RPUSD1: variants seen among roughly 807,000 people sequenced by gnomAD.
The protein encoded by RPUSD1 is pseudouridylate synthase RPUSD1.
Under a neutral mutation model 22.4 loss-of-function variants are expected in RPUSD1, and 28 were observed. That is an observed-to-expected ratio of 1.25 (90% CI 0.93 to 1.72). The LOEUF (loss-of-function observed/expected upper bound fraction) is 1.72, where lower values mean the gene tolerates loss of function less well. Ranked by LOEUF, RPUSD1 falls within the 40% of genes most tolerant of loss-of-function variation. The probability of loss-of-function intolerance (pLI) is 0.00; values close to 1 mark genes in which losing one functional copy is unlikely to be tolerated. For synonymous variants in RPUSD1, 298 were observed against 201.0 expected, an observed-to-expected ratio of 1.48 and a Z score of -4.08; for missense variants, 596 against 442.2, an observed-to-expected ratio of 1.35 and a Z score of -3.12.
rs937911855 is a variant in RPUSD1 at position 787,613 on chromosome 16, T to G, written c.125A>C (p.Lys42Thr). Reference sequence around the variant, plus strand: ...CTCGGGAAAGCGGTACCGCAGCTGCTTCTGCAGGGTCAGAGTCTCCCGCCA... The same window carrying G: ...CTCGGGAAAGCGGTACCGCAGCTGCGTCTGCAGGGTCAGAGTCTCCCGCCA... ...KAWRETLTLQ[K>T]QLRYRFPELA... The change falls in exon 2 of 6, where the codon AAG (lysine) becomes ACG (threonine). Residue 42 changes from lysine (K) to threonine (T), a missense_variant. By Grantham distance (78) the Lys-to-Thr change is moderately conservative (BLOSUM62 -1). Transcript: ENST00000007264. 1.2e-6 allele frequency: 2 copies of G among 1,611,812 alleles called. No individual in the cohort carries two copies. Among genetic ancestry groups the G allele is most frequent in the Non-Finnish European group, 1.7e-6 (2 of 1,179,940 alleles).
At chr16:787,839 G>C (rs2042007452) in intron 1 of RPUSD1, 95 bp from the exon 2 acceptor site, 3 of 1,356,382 alleles carry the variant, frequency 2.2e-6, no homozygotes, top group South Asian at 2.6e-5. Flanking sequence ...CCGGGCTCCG[G>C]TGCGAAGCCA....
chr16:786,975 C>T, intron 4 of RPUSD1, 47 bp from the exon 5 acceptor site: 2 of 1,564,652 alleles, frequency 1.3e-6, no homozygotes, highest in Non-Finnish European at 1.7e-6. Flanking sequence ...TGACCCGGGG[C>T]CCAGGCCCAC....
chr16:788,162 C>A, intron 1 of RPUSD1, 94 bp downstream of exon 1: 1 of 434,148 alleles, frequency 2.3e-6, no homozygotes, highest in Non-Finnish European at 4.5e-6. Flanking sequence ...TCGCTCCCCG[C>A]AGTCCGCGCA....
Position 785,568 on chromosome 16 carries a change from A to C in RPUSD1, c.*382T>G. The C allele has an allele frequency of 1.1e-5, 2 of 189,274 alleles. No individual in the cohort carries two copies. The highest frequency in any genetic ancestry group is 2.2e-5 in the Non-Finnish European group (2 of 92,866). 11.7% of individuals were successfully genotyped at this position (189,274 alleles called of 1,614,324 possible). ...GCAGCCCATCCTGGAGGCAAAGCCT[A>C]TCCCAAAACCTGGCCCTGCCTCTTC... On this transcript the variant is annotated 3_prime_UTR_variant, in exon 6 of 6. Coordinates refer to ENST00000007264, the MANE Select transcript of RPUSD1 (RefSeq NM_058192.3).
At position 787,557 on chromosome 16, in the gene RPUSD1, T is replaced by C. The variant is rs1334081496; in HGVS notation, c.181A>G (p.Arg61Gly). Residue 61 changes from arginine (R) to glycine (G), a missense_variant and splice_region_variant, in exon 2 of 6, where the codon AGG becomes GGG. Transcript: ENST00000007264. Reference sequence around the variant, plus strand: ...TGGGGCTCCGGCCGCCCCCCCTACCTGAACCCGTAGCAGGTGTCAGGGTCG... The same window carrying C: ...TGGGGCTCCGGCCGCCCCCCCTACCCGAACCCGTAGCAGGTGTCAGGGTCG... Reference protein sequence around the residue: ...LADPDTCYGFRFCHQLDFSTS... With the variant: ...LADPDTCYGFGFCHQLDFSTS... The C allele has an allele frequency of 4.3e-6, 7 of 1,609,988 alleles. No homozygotes were observed. Among genetic ancestry groups the C allele is most frequent in the Non-Finnish European group, 5.9e-6 (7 of 1,179,516 alleles).
rs762631255 is a variant in RPUSD1, at chr16:786,910, G to A, written c.428C>T (p.Pro143Leu). 2.2e-5 allele frequency: 35 copies of A among 1,613,110 alleles called. No individual in the cohort carries two copies. The highest frequency in any genetic ancestry group is 3.3e-5 in the South Asian group (3 of 91,088). ...CAGAACCACGAGATCTGTGAGGCTTGGCTTTGGGTTCTCACAACCTGGGGC... is the reference window on the plus strand; with the variant it reads ...CAGAACCACGAGATCTGTGAGGCTTAGCTTTGGGTTCTCACAACCTGGGGC... ...EGSQGCENPK[P>L]SLTDLVVLEH... The change falls in exon 5 of 6, where the codon CCA becomes CTA. Residue 143 changes from proline (P) to leucine (L), a missense_variant. Pro to Leu is a moderately conservative substitution (Grantham distance 98). Transcript: ENST00000007264.
Position 786,860 on chromosome 16 carries a change from G to A in RPUSD1, c.478C>T (p.Pro160Ser), listed in dbSNP as rs369896417. Residue 160 changes from proline (P) to serine (S), a missense_variant, in exon 5 of 6, where the codon CCT becomes TCT. Transcript: ENST00000007264. ...GGCTTCAGCAGCACTTTGGAGACAG[G>A]ATCGCCTGCGTACAGCCCGTGTTCC... ...VLEHGLYAGD[P>S]VSKVLLKPLT... 2 of 1,613,122 alleles carry A rather than the reference G, an allele frequency of 1.2e-6. No homozygotes were observed. Among genetic ancestry groups the A allele is most frequent in the African/African-American group, 1.3e-5 (1 of 74,908 alleles).
At chr16:787,933 G>C (rs534730963) in intron 1 of RPUSD1, 189 bp from the exon 2 acceptor site, 145 of 619,658 alleles carry the variant, frequency 2.3e-4, no homozygotes, top group Non-Finnish European at 3.8e-4. Context: ...GGGAGTCAAG[G>C]AGTCAGCCTG....
chr16:787,833 G>A (rs2042007174), intron 1 of RPUSD1, 89 bp from the exon 2 acceptor site: 4 of 1,409,448 alleles, frequency 2.8e-6, no homozygotes, highest in Non-Finnish European at 1.9e-6. Context: ...CCCCACCCGG[G>A]CTCCGGTGCG....
intron 5 of RPUSD1, 138 bp from the exon 6 acceptor site, chr16:786,515 C>G (rs2041919182): frequency 4.8e-6 from 4 of 841,612 alleles, no homozygotes; most frequent in Non-Finnish European, 7.6e-6. Context: ...TCCCTGTCCC[C>G]TGCCATGAGT....
Position 785,999 on chromosome 16 carries a change from C to T in RPUSD1, c.890G>A (p.Gly297Asp), listed in dbSNP as rs2041890911. The change falls in exon 6 of 6, where the codon GGC becomes GAC. Residue 297 changes from glycine (G) to aspartate (D), a missense_variant. By Grantham distance (94) the Gly-to-Asp change is moderately conservative. Transcript: ENST00000007264. ...CTCCGACAGCCACTGCAGGCAGGGGCCCCGCTGTGCCTCAGTCTCAGGGGG... is the reference window on the plus strand; with the variant it reads ...CTCCGACAGCCACTGCAGGCAGGGGTCCCGCTGTGCCTCAGTCTCAGGGGG... ...TKPPETEAQR[G>D]PCLQWLSEWT... 2 of 1,461,774 alleles carry T rather than the reference C, an allele frequency of 1.4e-6. No homozygotes were observed. Among genetic ancestry groups the T allele is most frequent in the Non-Finnish European group, 9.0e-7 (1 of 1,111,206 alleles). The allele number at this position is 1,461,774 out of a possible 1,614,324, so 90.6% of individuals were successfully genotyped here. A position where few individuals can be genotyped will look rare whatever the true frequency, so the allele number is the denominator to read the frequency against.
chr16:786,125 C>T lies in RPUSD1; in HGVS notation c.764G>A (p.Arg255Gln), dbSNP rs771317301. Residue 255 changes from arginine (R) to glutamine (Q), a missense_variant, in exon 6 of 6, where the codon CGG (arginine) becomes CAG (glutamine). Transcript: ENST00000007264. ...CTCGGGGTCAGGGTCGGGGGTGGCC[C>T]GTAAGGCCTGCACGAGCTGGTCCAG... Reference protein sequence around the residue: ...QSLDQLVQALRATPDPDPEDR... With the variant: ...QSLDQLVQALQATPDPDPEDR... 12 of 1,602,942 alleles carry T rather than the reference C, an allele frequency of 7.5e-6. No homozygotes were observed. Among genetic ancestry groups the T allele is most frequent in the Admixed American group, 5.0e-5 (3 of 59,792 alleles).
intron 5 of RPUSD1, 30 bp downstream of exon 5, chr16:786,797 C>A: frequency 6.3e-7 from 1 of 1,578,386 alleles, no homozygotes; most frequent in Non-Finnish European, 8.7e-7. Context: ...CCTTCTGTCA[C>A]CACCAGGACA....
rs538989051 is a variant in RPUSD1 at position 787,621 on chromosome 16, G to T, written c.117C>A (p.Thr39=). 1 of 1,611,888 alleles carries T rather than the reference G, an allele frequency of 6.2e-7. No homozygotes were observed. The highest frequency in any genetic ancestry group is 1.1e-5 in the South Asian group (1 of 91,092). Residue 39 remains threonine (T), a synonymous_variant, in exon 2 of 6, where the codon ACC becomes ACA. Transcript: ENST00000007264. The part of the protein sequence containing the change: ...IDSKAWRETL[T]LQKQLRYRFP... ...AGCGGTACCGCAGCTGCTTCTGCAG[G>T]GTCAGAGTCTCCCGCCACGCCTTGC...
chr16:785,954 C>T lies in RPUSD1; in HGVS notation c.935G>A (p.Ser312Asn). Residue 312 changes from serine to asparagine, a missense_variant, in exon 6 of 6, where the codon AGC becomes AAC. Ser to Asn is a conservative substitution (Grantham distance 46). Transcript: ENST00000007264. ...WLSEWTLEPD[S>N] Reference sequence around the variant, plus strand: ...CCTGCCCCAGCCCCACGGCTCTCAGCTGTCCGGTTCCAGCGTCCACTCCGA... The same window carrying T: ...CCTGCCCCAGCCCCACGGCTCTCAGTTGTCCGGTTCCAGCGTCCACTCCGA... 1 of 1,437,194 alleles carries T rather than the reference C, an allele frequency of 7.0e-7. No homozygotes were observed. Among genetic ancestry groups the T allele is most frequent in the Non-Finnish European group, 9.1e-7 (1 of 1,098,380 alleles). The allele number at this position is 1,437,194 out of a possible 1,614,324, so 89.0% of individuals were successfully genotyped here.
At chr16:787,907 C>A (rs989841862) in intron 1 of RPUSD1, 163 bp from the exon 2 acceptor site, 18 of 667,836 alleles carry the variant, frequency 2.7e-5, no homozygotes, top group Non-Finnish European at 4.0e-5. Flanking sequence ...GAGATCAGTC[C>A]CCAGGGCGTC....
At chr16:786,562 G>A (rs527278884) in intron 5 of RPUSD1, 185 bp from the exon 6 acceptor site, 23 of 757,178 alleles carry the variant, frequency 3.0e-5, no homozygotes, top group Admixed American at 6.1e-5. Context: ...ATTGTGTTCA[G>A]GTCACCACTG....
Position 785,959 on chromosome 16 carries a change from C to G in RPUSD1, c.930G>C (p.Pro310=). The change falls in exon 6 of 6, where the codon CCG becomes CCC. Residue 310 remains proline, a synonymous_variant. Transcript: ENST00000007264. ...LQWLSEWTLE[P]DS ...CCCAGCCCCACGGCTCTCAGCTGTCCGGTTCCAGCGTCCACTCCGACAGCC... is the reference window on the plus strand; with the variant it reads ...CCCAGCCCCACGGCTCTCAGCTGTCGGGTTCCAGCGTCCACTCCGACAGCC... 32 of 1,438,682 alleles carry G rather than the reference C, an allele frequency of 2.2e-5. No homozygotes were observed. The highest frequency in any genetic ancestry group is 2.8e-5 in the Non-Finnish European group (31 of 1,099,076). 89.1% of individuals were successfully genotyped at this position (1,438,682 alleles called of 1,614,324 possible).
chr16:787,141 G>T lies in RPUSD1; in HGVS notation c.345C>A (p.Ser115Arg). ...CCGTGCTGTTCCTGCCAATGGCATG[G>T]CTGATGGTTACCCGGCTCTCCTGGA... The part of the protein sequence containing the change: ...GHIQESRVTI[S>R]HAIGRNSTEG... The change falls in exon 4 of 6, where the codon AGC becomes AGA. Residue 115 changes from serine (S) to arginine (R), a missense_variant. Ser to Arg is a moderately radical substitution (Grantham distance 110, BLOSUM62 -1). Transcript: ENST00000007264. 1.2e-6 allele frequency: 2 copies of T among 1,608,220 alleles called. No homozygotes were observed. The highest frequency in any genetic ancestry group is 8.5e-7 in the Non-Finnish European group (1 of 1,179,592).
Sources: gnomAD v4.1 joint callset for allele counts on GRCh38, gnomAD v4.1.1 for gene constraint, MANE v1.5 for transcripts, NCBI Gene and HGNC (gene_info 2026-07-23, HGNC 2026-07-21) for gene names.